The following PTPRA variants were observed in gnomAD, a reference collection of about 807,000 sequenced individuals.
PTPRA encodes receptor-type tyrosine-protein phosphatase alpha.
In PTPRA, 25 loss-of-function variants were observed where a neutral mutation model predicts 104.8. The observed-to-expected ratio is 0.24, with a 90% confidence interval of 0.17 to 0.33. PTPRA has a LOEUF of 0.33. Ranked by LOEUF, PTPRA falls within the 10% of genes least tolerant of loss-of-function variation. PTPRA has a pLI of 1.00. For missense variants in PTPRA, 765 were observed against 1,015.3 expected (o/e 0.75, Z 3.35); for synonymous variants, 323 against 368.9 (o/e 0.88, Z 1.43).
intron 3 of PTPRA, among the ~76,000 whole-genome samples, chr20:2,955,883 T>C (rs1484905825): frequency 1.3e-5 from 2 of 152,112 alleles, no homozygotes; most frequent in African/African-American, 2.4e-5. Context: ...CCATTCTGTC[T>C]TTTTTCCCCC....
intron 2 of PTPRA, among the ~76,000 whole-genome samples, chr20:2,924,247 C>CA (rs2060207313): frequency 6.6e-6 from 1 of 152,076 alleles, no homozygotes; most frequent in Admixed American, 6.6e-5. Context: ...ACTAAAATTA[C>CA]AAAAATGAGC....
intron 1 of PTPRA, among the ~76,000 whole-genome samples, chr20:2,917,482 G>A (rs2059946153): frequency 2.6e-5 from 4 of 152,000 alleles, no homozygotes; most frequent in Middle Eastern, 6.8e-3. Flanking sequence ...AATGCTCCTG[G>A]GCCCAATACA....
chr20:2,975,319 T>A, intron 6 of PTPRA, 78 bp downstream of exon 6: 1 of 1,284,066 alleles, frequency 7.8e-7, no homozygotes, highest in Non-Finnish European at 1.1e-6. Context: ...TCACAGTCTG[T>A]GGTAACCGTG....
At position 2,950,909 on chromosome 20, in the gene PTPRA, T is replaced by C. The variant is rs1045832716; in HGVS notation, c.-7+2885T>C. ...TCACCACAACAAGAGTGTGAACATA[T>C]AATCTCTCCCCAAAGTTTTCTTGTG... On this transcript the variant is annotated intron_variant, in intron 3 of 23. Transcript: ENST00000399903. The surrounding 1 kb of genome is among the most constrained non-coding windows in gnomAD (Gnocchi z 4.0). Among the ~76,000 whole-genome samples, 1 of 152,070 alleles carries C rather than the reference T, an allele frequency of 6.6e-6. No individual in the cohort carries two copies. The highest frequency in any genetic ancestry group is 1.5e-5 in the Non-Finnish European group (1 of 67,988).
chr20:2,915,721 C>T (rs998623299), intron 1 of PTPRA, among the ~76,000 whole-genome samples: 22 of 152,184 alleles, frequency 1.4e-4, no homozygotes, highest in Admixed American at 1.2e-3. Context: ...AGCGCGGTGG[C>T]TCATGCCTGT....
At chr20:2,886,698 A>T (rs1173130297) in intron 1 of PTPRA, among the ~76,000 whole-genome samples, 2 of 150,946 alleles carry the variant, frequency 1.3e-5, no homozygotes, top group Non-Finnish European at 3.0e-5. Flanking sequence ...AAAAAAAAAA[A>T]ATACAAAATT....
intron 9 of PTPRA, among the ~76,000 whole-genome samples, chr20:3,003,348 T>A (rs998903893): frequency 1.3e-5 from 2 of 152,190 alleles, no homozygotes; most frequent in Non-Finnish European, 2.9e-5. Context: ...TTGTTCTCAG[T>A]TTTGGGTCAT....
intron 3 of PTPRA, 35 bp from the exon 4 acceptor site, chr20:2,964,237 T>C (rs769079827): frequency 2.0e-6 from 3 of 1,511,324 alleles, no homozygotes; most frequent in Non-Finnish European, 2.7e-6. Flanking sequence ...CCTGATAATA[T>C]AGGACCTCAT....
intron 2 of PTPRA, among the ~76,000 whole-genome samples, chr20:2,947,092 G>A (rs1320032733): frequency 1.3e-5 from 2 of 152,128 alleles, no homozygotes; most frequent in East Asian, 1.9e-4. Context: ...GAGCAAATAA[G>A]TGGTTCTCTG....
the PTPRA span, chr20:2,865,978 C>T: frequency 2.3e-5 from 13 of 558,886 alleles, no homozygotes; most frequent in South Asian, 6.3e-5. This position sits in a 1 kb window ranked among gnomAD's most constrained non-coding sequence, Gnocchi z 5.2. Context: ...AGAGCAGAAG[C>T]GTGGAAATAA....
At position 2,977,825 on chromosome 20, in the gene PTPRA, C is replaced by T. The variant is rs116735893; in HGVS notation, c.442+2584C>T. On this transcript the variant is annotated intron_variant, in intron 6 of 23. Transcript: ENST00000399903. ...TAAATATATATATGCATATGCTTCC[C>T]TATCTCAGGAAGGAAATATGTGAAC... Among the ~76,000 whole-genome samples the T allele has an allele frequency of 1.5e-3, 220 of 151,680 alleles. 2 individuals carry two copies. Among genetic ancestry groups the T allele is most frequent in the African/African-American group, 5.2e-3 (214 of 41,362 alleles).
chr20:3,033,928 T>C (rs1286950950), intron 20 of PTPRA, among the ~76,000 whole-genome samples: 6 of 147,144 alleles, frequency 4.1e-5, no homozygotes, highest in African/African-American at 1.3e-4. Flanking sequence ...AAATCCTCTT[T>C]GGTCTTCCAG....
intron 1 of PTPRA, among the ~76,000 whole-genome samples, chr20:2,911,783 G>A (rs1455553279): frequency 6.6e-6 from 1 of 152,020 alleles, no homozygotes. Flanking sequence ...GGGTAGATAC[G>A]TACATGCCCC....
chr20:2,993,012 AGTTTGAGGCTGCAGTGAGCT>A (rs1372654215), intron 9 of PTPRA, among the ~76,000 whole-genome samples: 1 of 152,080 alleles, frequency 6.6e-6, no homozygotes, highest in African/African-American at 2.4e-5. Context: ...TGAGCCTAGG[AGTTTGAGGCTGCAGTGAGCT>A]GTGATTGCAC....
chr20:2,937,784 A>G (rs1239441179), intron 2 of PTPRA, among the ~76,000 whole-genome samples: 1 of 152,038 alleles, frequency 6.6e-6, no homozygotes, highest in East Asian at 1.9e-4. Flanking sequence ...TTCATCTGCC[A>G]GTATTTGTAT....
In PTPRA at chr20:2,991,442, G is replaced by A. The variant is rs777972179; in HGVS notation, c.738+2968G>A. Among the ~76,000 whole-genome samples the A allele has an allele frequency of 1.2e-4, 18 of 152,126 alleles. 1 individual carries two copies. The highest frequency in any genetic ancestry group is 2.9e-5 in the Non-Finnish European group (2 of 68,030). On this transcript the variant is annotated intron_variant, in intron 9 of 23. Transcript: ENST00000399903. Reference sequence around the variant, plus strand: ...CAGTACCATAGCTGGATCTGTGCTAGGCATTGTACTGTTTTGTAATCTATA... The same window carrying A: ...CAGTACCATAGCTGGATCTGTGCTAAGCATTGTACTGTTTTGTAATCTATA...
Position 2,986,897 on chromosome 20 carries a change from C to G in PTPRA, c.527+48C>G, listed in dbSNP as rs748308416. 15 of 1,507,682 alleles carry G rather than the reference C, an allele frequency of 9.9e-6. No homozygotes were observed. The Admixed American group carries it at 1.5e-4, about 15-fold the overall frequency. 93.4% of individuals were successfully genotyped at this position (1,507,682 alleles called of 1,614,324 possible). On this transcript the variant is annotated intron_variant, in intron 7 of 23. Transcript: ENST00000399903. The stretch of plus-strand genomic sequence containing the variant: ...TTCTCTTAGATTCTGTTTCAATATC[C>G]CAGTGTCCCAATGAACCCACACAGT...
chr20:2,922,144 T>C (rs1038645773), intron 1 of PTPRA, among the ~76,000 whole-genome samples: 1 of 152,080 alleles, frequency 6.6e-6, no homozygotes, highest in African/African-American at 2.4e-5. Context: ...ATAGTCCAAG[T>C]TTTGGGACAG....
chr20:2,918,878 G>A (rs1020533275), intron 1 of PTPRA, among the ~76,000 whole-genome samples: 1 of 152,124 alleles, frequency 6.6e-6, no homozygotes, highest in African/African-American at 2.4e-5. Context: ...TTGTGGACAA[G>A]TTATTTATTA....
Sources: gnomAD v4.1 joint callset for allele counts (sites outside exome capture counted in the v4.1 genomes callset) on GRCh38, gnomAD v4.1.1 for gene constraint, Gnocchi (gnomAD v3.1) non-coding constraint, MANE v1.5 for transcripts, NCBI Gene and HGNC (gene_info 2026-07-23, HGNC 2026-07-21) for gene names.